Variants in GLIS3 observed in about 807,000 individuals in gnomAD.
GLIS3 encodes the protein zinc finger protein GLIS3.
GLIS3 carries 53 observed loss-of-function variants against 78.6 expected under a neutral mutation model. The ratio of observed to expected loss-of-function variants is 0.67; its 90% confidence interval spans 0.54 to 0.85. The LOEUF (loss-of-function observed/expected upper bound fraction) is 0.85, where lower values mean the gene tolerates loss of function less well. Among genes scored for constraint, GLIS3 ranks in the 40% least tolerant of loss-of-function variants. GLIS3 has a pLI of 0.00. For synonymous variants in GLIS3, 684 were observed against 509.9 expected (o/e 1.34, Z -4.60); for missense variants, 1,703 against 1,231.1 (o/e 1.38, Z -5.74).
At chr9:3,858,206 G>A (rs973545919) in intron 8 of GLIS3, among the ~76,000 whole-genome samples, 9 of 152,106 alleles carry the variant, frequency 5.9e-5, no homozygotes, top group African/African-American at 2.2e-4. Flanking sequence ...CCTTCTTCTG[G>A]AATATCTGCT....
At chr9:3,922,294 A>G (rs559808000) in intron 6 of GLIS3, among the ~76,000 whole-genome samples, 1 of 142,724 alleles carries the variant, frequency 7.0e-6, no homozygotes, top group Non-Finnish European at 1.6e-5. Context: ...AGGGACCCAT[A>G]ATATGATTGC....
At chr9:4,322,866 G>C (rs1008453288) in intron 2 of GLIS3, among the ~76,000 whole-genome samples, 1 of 152,160 alleles carries the variant, frequency 6.6e-6, no homozygotes, top group Admixed American at 6.5e-5. Flanking sequence ...TAGGTTGCCT[G>C]TTCACTCTGA....
chr9:4,398,852 C>T, the GLIS3 span, among the ~76,000 whole-genome samples: 2 of 152,106 alleles, frequency 1.3e-5, no homozygotes, highest in African/African-American at 4.8e-5. Context: ...ACATGCCTGG[C>T]TAATTTTTGT....
At position 3,854,703 on chromosome 9, in the gene GLIS3, A is replaced by AT. The variant is rs34986459; in HGVS notation, c.2473+1305dup. Among the ~76,000 whole-genome samples, 89 of 147,976 alleles carry AT rather than the reference A, an allele frequency of 6.0e-4. No individual in the cohort carries two copies. In the East Asian group the frequency reaches 8.4e-3, roughly 14 times the overall value. ...AAGCGCCCGCCGTCACGCCTGGCTA[A>AT]TTTTTTTTTTTTTTGTATTTTTAGT... On this transcript the variant is annotated intron_variant, in intron 9 of 10. Coordinates refer to ENST00000381971, the MANE Select transcript of GLIS3 (RefSeq NM_001042413.2).
At chr9:4,094,918 T>C (rs643651) in intron 4 of GLIS3, among the ~76,000 whole-genome samples, 49,069 of 151,984 alleles carry the variant, frequency 0.32, 9,103 homozygotes, top group African/African-American at 0.52. Context: ...ACATAATAAT[T>C]GTACATATTC....
chr9:4,476,314 C>G, the GLIS3 span, among the ~76,000 whole-genome samples: 12 of 152,104 alleles, frequency 7.9e-5, no homozygotes, highest in Non-Finnish European at 1.8e-4. Context: ...CTCTGGGGAC[C>G]ATGAGAACCA....
intron 7 of GLIS3, among the ~76,000 whole-genome samples, chr9:3,880,664 A>C (rs1176532068): frequency 6.6e-6 from 1 of 152,204 alleles, no homozygotes; most frequent in African/African-American, 2.4e-5. Context: ...AGGGTTTAAA[A>C]GTTCAGGGAG....
chr9:4,206,901 G>C (rs1027177206), intron 2 of GLIS3, among the ~76,000 whole-genome samples: 2 of 152,118 alleles, frequency 1.3e-5, no homozygotes, highest in Admixed American at 6.5e-5. Flanking sequence ...GGGAGGAAGG[G>C]GGGAGGACGA....
At chr9:4,001,056 T>C (rs1255798734) in intron 4 of GLIS3, among the ~76,000 whole-genome samples, 1 of 152,230 alleles carries the variant, frequency 6.6e-6, no homozygotes, top group African/African-American at 2.4e-5. Flanking sequence ...GTGTTAATTT[T>C]ATGTCATGCA....
chr9:4,095,342 T>C (rs186193083), intron 4 of GLIS3, among the ~76,000 whole-genome samples: 3 of 152,296 alleles, frequency 2.0e-5, no homozygotes, highest in East Asian at 3.9e-4. Flanking sequence ...TCAGGAGAGA[T>C]AGTAATGAAG....
chr9:4,138,780 T>A (rs1248676799), intron 2 of GLIS3, among the ~76,000 whole-genome samples: 1 of 152,168 alleles, frequency 6.6e-6, no homozygotes, highest in Non-Finnish European at 1.5e-5. Context: ...AAGTCACGTA[T>A]GTAGACCACT....
the GLIS3 span, among the ~76,000 whole-genome samples, chr9:4,397,024 C>CTTT: frequency 9.9e-5 from 12 of 121,198 alleles, no homozygotes; most frequent in South Asian, 5.5e-4. Flanking sequence ...TTCTTTTTTT[C>CTTT]TTTTTTTTTT....
Position 4,070,186 on chromosome 9 carries a change from T to C in GLIS3, c.1710+47582A>G, listed in dbSNP as rs1482091205. On this transcript the variant is annotated intron_variant, in intron 4 of 10. Transcript: ENST00000381971. ...TTGTGGTTGAGTCAGCTTTATAGAATAGTATTTCCGATTCTTCAATTAGTT... is the reference window on the plus strand; with the variant it reads ...TTGTGGTTGAGTCAGCTTTATAGAACAGTATTTCCGATTCTTCAATTAGTT... 2.6e-5 allele frequency among the ~76,000 whole-genome samples: 4 copies of C among 152,178 alleles called. No homozygotes were observed. The South Asian group carries it at 6.2e-4, about 24-fold the overall frequency.
At position 4,117,885 on chromosome 9, in the gene GLIS3, C is replaced by T. The variant is rs143907151; in HGVS notation, c.1593G>A (p.Gly531=). ...CGGCCCAGAAGCAAGTGAAGTCCTC[C>T]CCTTTGCGCTGGTCGATGTGGACCT... ...IEKVHIDQRK[G]EDFTCFWAGC... is the part of the protein sequence containing the mutation. The change falls in exon 4 of 11, where the codon GGG becomes GGA. Residue 531 remains glycine (G), a synonymous_variant. Coordinates refer to ENST00000381971, the MANE Select transcript of GLIS3 (RefSeq NM_001042413.2). The T allele has an allele frequency of 8.7e-6, 14 of 1,614,028 alleles. No homozygotes were observed. In the African/African-American group the frequency reaches 1.2e-4, roughly 14 times the overall value.
the GLIS3 span, among the ~76,000 whole-genome samples, chr9:4,484,989 T>C: frequency 7.0e-6 from 1 of 142,152 alleles, no homozygotes; most frequent in Non-Finnish European, 1.5e-5. Context: ...GAACCTAAGA[T>C]TGGTTTTCTT....
chr9:4,257,605 G>A lies in GLIS3; in HGVS notation c.388+28433C>T, dbSNP rs1457959906. ...TTGTTATTTTTTGAGACGGAGTCTC[G>A]CTCTGTCGCCCAGGTTGGAGTGCAC... On this transcript the variant is annotated intron_variant, in intron 2 of 10. Transcript: ENST00000381971. Among the ~76,000 whole-genome samples, 28 of 70,358 alleles carry A rather than the reference G, an allele frequency of 4.0e-4. 1 individual carries two copies. The East Asian group carries it at 5.6e-3, about 14-fold the overall frequency. 46.2% of individuals were successfully genotyped at this position (70,358 alleles called of 152,430 possible).
the GLIS3 span, among the ~76,000 whole-genome samples, chr9:4,354,117 T>G: frequency 2.0e-5 from 3 of 151,908 alleles, no homozygotes; most frequent in African/African-American, 7.3e-5. Context: ...ATTACAGGCG[T>G]GAGCCACCAC....
intron 7 of GLIS3, among the ~76,000 whole-genome samples, chr9:3,890,019 A>C (rs7037914): frequency 0.18 from 26,637 of 152,208 alleles, 2,381 homozygotes; most frequent in Non-Finnish European, 0.19. Flanking sequence ...ACCTGAGAGT[A>C]TATTTTGAGA....
intron 6 of GLIS3, among the ~76,000 whole-genome samples, chr9:3,916,198 C>T (rs1215728066): frequency 6.6e-6 from 1 of 152,220 alleles, no homozygotes; most frequent in Non-Finnish European, 1.5e-5. Flanking sequence ...CTTTGTGAAA[C>T]TCCCATAGTA....
Sources: allele counts gnomAD v4.1 joint callset (sites outside exome capture counted in the v4.1 genomes callset), GRCh38; gene constraint gnomAD v4.1.1; transcripts MANE v1.5; gene names NCBI Gene and HGNC (gene_info 2026-07-23, HGNC 2026-07-21).